Variants in KLRG1 observed in about 807,000 individuals in gnomAD.
KLRG1 encodes the protein killer cell lectin like receptor G1, also known as killer cell lectin-like receptor subfamily G member 1.
A neutral mutation model predicts 21.8 loss-of-function variants in KLRG1; 16 were observed. The ratio of observed to expected loss-of-function variants is 0.73; its 90% CI spans 0.50 to 1.11. KLRG1 has a LOEUF of 1.11. Ranked by LOEUF, KLRG1 falls within the 50% of genes most tolerant of loss-of-function variation. The pLI is 0.00. For missense variants in KLRG1, 173 were observed against 218.3 expected (o/e 0.79, Z 1.31); for synonymous variants, 69 against 75.9 (o/e 0.91, Z 0.47).
the KLRG1 span, among the ~76,000 whole-genome samples, chr12:9,019,498 G>C: frequency 6.6e-6 from 1 of 152,154 alleles, no homozygotes; most frequent in South Asian, 2.1e-4. Context: ...ATTCACAATA[G>C]CCAAGATTTG....
the KLRG1 span, chr12:9,072,316 G>A: frequency 1.9e-6 from 3 of 1,601,960 alleles, no homozygotes; most frequent in Non-Finnish European, 1.7e-6. Flanking sequence ...AAGAAGACTG[G>A]TGGTTATTCT....
chr12:9,041,301 G>A, the KLRG1 span, among the ~76,000 whole-genome samples: 1 of 152,200 alleles, frequency 6.6e-6, no homozygotes, highest in Non-Finnish European at 1.5e-5. Context: ...CGCCTCTGCA[G>A]TCCAGCCTGG....
the KLRG1 span, among the ~76,000 whole-genome samples, chr12:9,138,128 C>T: frequency 6.6e-6 from 1 of 151,922 alleles, no homozygotes. Flanking sequence ...AACTTTTCAC[C>T]GTTGAGTCTG....
At chr12:9,111,048 T>C in the KLRG1 span, among the ~76,000 whole-genome samples, 1 of 152,166 alleles carries the variant, frequency 6.6e-6, no homozygotes, top group Non-Finnish European at 1.5e-5. Flanking sequence ...CATAGAATTC[T>C]TACGTAGTTC....
the KLRG1 span, chr12:9,077,083 T>C: frequency 2.7e-6 from 2 of 735,190 alleles, no homozygotes; most frequent in Non-Finnish European, 4.2e-6. Flanking sequence ...AATATTATTT[T>C]TATCTGTTAT....
At chr12:9,100,757 A>G in the KLRG1 span, among the ~76,000 whole-genome samples, 1 of 152,236 alleles carries the variant, frequency 6.6e-6, no homozygotes, top group South Asian at 2.1e-4. Context: ...CAGCTCAGGA[A>G]TGGAAAACCA....
the KLRG1 span, among the ~76,000 whole-genome samples, chr12:9,183,475 C>G: frequency 6.6e-6 from 1 of 152,154 alleles, no homozygotes; most frequent in African/African-American, 2.4e-5. Context: ...TCATAGCTCA[C>G]TGCAGCCTCG....
the KLRG1 span, chr12:9,163,786 T>C: frequency 6.2e-7 from 1 of 1,611,588 alleles, no homozygotes; most frequent in Non-Finnish European, 8.5e-7. Flanking sequence ...GAAGTTCACA[T>C]TCCCTAAAAC....
At chr12:9,023,177 T>A in the KLRG1 span, among the ~76,000 whole-genome samples, 1 of 152,208 alleles carries the variant, frequency 6.6e-6, no homozygotes, top group Non-Finnish European at 1.5e-5. Context: ...GAGACAGTCT[T>A]GTCAGGCTGA....
the KLRG1 span, chr12:9,158,584 G>A: frequency 5.9e-5 from 96 of 1,613,604 alleles, no homozygotes; most frequent in Non-Finnish European, 7.8e-5. Context: ...AGCCTAGGGG[G>A]AGGAAAAATG....
the KLRG1 span, among the ~76,000 whole-genome samples, chr12:9,016,586 AACTAAT>A: frequency 6.6e-6 from 1 of 152,304 alleles, no homozygotes; most frequent in East Asian, 1.9e-4. Flanking sequence ...TTTAGAGAAT[AACTAAT>A]ACCAATCCTA....
At chr12:9,021,117 A>G in the KLRG1 span, among the ~76,000 whole-genome samples, 1 of 152,206 alleles carries the variant, frequency 6.6e-6, no homozygotes, top group East Asian at 1.9e-4. Context: ...ACACCTGCAT[A>G]TGACACTTAC....
At chr12:8,970,037 G>A (rs1031436278) in intron 1 of KLRG1, among the ~76,000 whole-genome samples, 1 of 152,188 alleles carries the variant, frequency 6.6e-6, no homozygotes, top group Non-Finnish European at 1.5e-5. Context: ...GATTGCCTAA[G>A]CCTGGGAGGT....
the KLRG1 span, chr12:9,064,233 T>C: frequency 5.2e-5 from 8 of 152,620 alleles, no homozygotes; most frequent in African/African-American, 1.9e-4. The surrounding 1 kb of genome is among the most constrained non-coding windows in gnomAD (Gnocchi z 4.0). Flanking sequence ...GCAAATTACA[T>C]GTCTCTGCTT....
downstream of KLRG1, among the ~76,000 whole-genome samples, chr12:9,014,244 A>T (rs1947669330): frequency 6.6e-6 from 1 of 152,216 alleles, no homozygotes. Flanking sequence ...GAAGAATATC[A>T]CTATTCAAGC....
chr12:9,013,354 A>G (rs762265986), downstream of KLRG1, among the ~76,000 whole-genome samples: 7 of 152,342 alleles, frequency 4.6e-5, no homozygotes, highest in East Asian at 1.2e-3. Context: ...CGAGGAAAAC[A>G]TGACCTCACC....
the KLRG1 span, among the ~76,000 whole-genome samples, chr12:9,063,818 C>CA: frequency 6.6e-6 from 1 of 152,172 alleles, no homozygotes; most frequent in Non-Finnish European, 1.5e-5. Context: ...TGTATTATAG[C>CA]ATGGGATATT....
the KLRG1 span, among the ~76,000 whole-genome samples, chr12:9,215,536 T>C: frequency 6.6e-6 from 1 of 152,064 alleles, no homozygotes; most frequent in Non-Finnish European, 1.5e-5. Context: ...TAGAAGATTT[T>C]ACATCTGTGG....
In KLRG1 at chr12:9,009,952, T is replaced by C. The variant is rs1947594949; in HGVS notation, c.*415T>C. The C allele has an allele frequency of 3.3e-6, 5 of 1,525,618 alleles. No individual in the cohort carries two copies. The African/African-American group carries it at 5.5e-5, about 17-fold the overall frequency. 94.5% of individuals were successfully genotyped at this position (1,525,618 alleles called of 1,614,324 possible). A position where few individuals can be genotyped will look rare whatever the true frequency, so the allele number is the denominator to read the frequency against. ...CTAGAGAAGTACATTATTGCTGTAC[T>C]CCTCTGTACATTACTGATCCCTGAT... is the stretch of plus-strand genomic sequence containing the variant. On this transcript the variant is annotated 3_prime_UTR_variant, in exon 5 of 5. Coordinates refer to ENST00000356986, the MANE Select transcript of KLRG1 (RefSeq NM_005810.4).
Sources: allele counts gnomAD v4.1 joint callset (sites outside exome capture counted in the v4.1 genomes callset), GRCh38; gene constraint gnomAD v4.1.1; non-coding constraint Gnocchi (gnomAD v3.1); transcripts MANE v1.5; gene names NCBI Gene and HGNC (gene_info 2026-07-23, HGNC 2026-07-21).